The following RAD51B variants were observed in gnomAD, a reference collection of about 807,000 sequenced individuals.
RAD51B encodes RAD51 paralog B.
A neutral mutation model predicts 42.2 loss-of-function variants in RAD51B; 38 were observed. That is an observed-to-expected ratio of 0.90 (90% CI 0.70 to 1.18). The LOEUF is 1.18. RAD51B is among the 50% of genes most tolerant of loss of function. RAD51B has a pLI of 0.00. For missense variants in RAD51B, 373 were observed against 400.7 expected (o/e 0.93, Z 0.59); for synonymous variants, 154 against 145.2 (o/e 1.06, Z -0.43).
chr14:68,098,405 T>G (rs1261415900), intron 7 of RAD51B, among the ~76,000 whole-genome samples: 2 of 152,226 alleles, frequency 1.3e-5, no homozygotes, highest in African/African-American at 4.8e-5. Context: ...GGTAGCATTA[T>G]GTGTATATTA....
At chr14:68,404,857 G>A (rs903121751) in intron 8 of RAD51B, among the ~76,000 whole-genome samples, 1 of 152,184 alleles carries the variant, frequency 6.6e-6, no homozygotes, top group Non-Finnish European at 1.5e-5. Flanking sequence ...GTGACATGCA[G>A]AGCTCAGATG....
chr14:68,116,865 T>C (rs8011367), intron 7 of RAD51B, among the ~76,000 whole-genome samples: 1 of 146,590 alleles, frequency 6.8e-6, no homozygotes, highest in Non-Finnish European at 1.5e-5. Context: ...ATGTAGAGTT[T>C]TAAGTAAATA....
intron 8 of RAD51B, among the ~76,000 whole-genome samples, chr14:68,303,503 C>T (rs757844590): frequency 3.3e-5 from 5 of 150,142 alleles, no homozygotes; most frequent in South Asian, 2.1e-4. Context: ...ACGGAAGTGA[C>T]GGAGTCATTT....
chr14:68,066,509 T>C (rs1015084947), intron 7 of RAD51B, among the ~76,000 whole-genome samples: 5 of 152,194 alleles, frequency 3.3e-5, no homozygotes, highest in Non-Finnish European at 4.4e-5. Context: ...AAATTTGTAA[T>C]GGCATGAGGA....
At chr14:67,828,922 C>T (rs532980343) in intron 3 of RAD51B, among the ~76,000 whole-genome samples, 1 of 152,230 alleles carries the variant, frequency 6.6e-6, no homozygotes, top group East Asian at 1.9e-4. Context: ...TAGCATGATG[C>T]CTGCAGCTTC....
At chr14:68,474,350 A>T (rs1043287106) in intron 10 of RAD51B, among the ~76,000 whole-genome samples, 1 of 152,216 alleles carries the variant, frequency 6.6e-6, no homozygotes, top group African/African-American at 2.4e-5. Flanking sequence ...GTTTGTTGTC[A>T]TCTTTCCATA....
At chr14:67,998,489 A>G (rs2075424382) in intron 7 of RAD51B, among the ~76,000 whole-genome samples, 1 of 152,216 alleles carries the variant, frequency 6.6e-6, no homozygotes, top group South Asian at 2.1e-4. Flanking sequence ...TTGTAAATGG[A>G]TATATCACTA....
In RAD51B at chr14:68,092,934, T is replaced by C. The variant is rs1430951421; in HGVS notation, c.757-198950T>C. 8.6e-5 allele frequency among the ~76,000 whole-genome samples: 13 copies of C among 150,602 alleles called. 1 individual carries two copies. The South Asian group carries it at 2.6e-3, about 30-fold the overall frequency. ...AGGGTCGTTGAATTTTGTCAAAGGC[T>C]TTTTCTGCATCTATTGAGATAATCA... On this transcript the variant is annotated intron_variant, in intron 7 of 10. Transcript: ENST00000471583.
At chr14:67,885,685 G>A in intron 5 of RAD51B, 184 bp from the exon 6 acceptor site, 1 of 582,856 alleles carries the variant, frequency 1.7e-6, no homozygotes, top group Non-Finnish European at 2.5e-6. Flanking sequence ...TGCTCTGACT[G>A]CTAACCTCTG....
intron 8 of RAD51B, among the ~76,000 whole-genome samples, chr14:68,301,928 G>A (rs1308931202): frequency 2.0e-5 from 3 of 152,114 alleles, no homozygotes; most frequent in Non-Finnish European, 4.4e-5. Flanking sequence ...AGGAATTTTT[G>A]TCACTTTTGT....
intron 7 of RAD51B, among the ~76,000 whole-genome samples, chr14:68,261,997 C>T (rs2080900238): frequency 6.6e-6 from 1 of 152,094 alleles, no homozygotes; most frequent in Non-Finnish European, 1.5e-5. Flanking sequence ...ATGCAGGGCT[C>T]AAAGCCATAC....
chr14:68,519,520 C>T lies in RAD51B; in HGVS notation c.1036+51270C>T, dbSNP rs117291853. On this transcript the variant is annotated intron_variant, in intron 10 of 10. Transcript: ENST00000487270. Reference sequence around the variant, plus strand: ...CTAAGAATGGACAGCTGTTTTCTCTCGAGATAGAAACTTCATGACAGGAAA... The same window carrying T: ...CTAAGAATGGACAGCTGTTTTCTCTTGAGATAGAAACTTCATGACAGGAAA... Among the ~76,000 whole-genome samples the T allele has an allele frequency of 7.2e-5, 11 of 152,296 alleles. No homozygotes were observed. In the East Asian group the frequency reaches 9.6e-4, roughly 13 times the overall value.
chr14:68,486,881 A>G (rs543234888), intron 10 of RAD51B, among the ~76,000 whole-genome samples: 155 of 152,298 alleles, frequency 1.0e-3, no homozygotes, highest in Non-Finnish European at 7.6e-4. Flanking sequence ...CTTTAGTGGC[A>G]TCTCCTCATC....
At chr14:67,993,151 C>T (rs920136106) in intron 7 of RAD51B, among the ~76,000 whole-genome samples, 1 of 152,110 alleles carries the variant, frequency 6.6e-6, no homozygotes, top group Admixed American at 6.6e-5. Flanking sequence ...GATACAGATA[C>T]ACAATGTGTA....
chr14:68,159,842 AT>A (rs1241715843), intron 7 of RAD51B, among the ~76,000 whole-genome samples: 2 of 151,908 alleles, frequency 1.3e-5, no homozygotes, highest in Admixed American at 1.3e-4. Flanking sequence ...TCATTTTCCT[AT>A]TTTTGGGAAT....
At chr14:68,412,737 T>C (rs2084453245) in intron 9 of RAD51B, among the ~76,000 whole-genome samples, 1 of 152,236 alleles carries the variant, frequency 6.6e-6, no homozygotes, top group South Asian at 2.1e-4. Context: ...ACCTTTTCCC[T>C]GAAGAGTCTG....
chr14:68,610,456 C>T (rs184005247), intron 10 of RAD51B, among the ~76,000 whole-genome samples: 31 of 152,330 alleles, frequency 2.0e-4, no homozygotes, highest in Admixed American at 5.2e-4. Context: ...CTTTCAGAAA[C>T]CCATATGAGC....
chr14:68,633,459 C>T (rs994176846), intron 10 of RAD51B, among the ~76,000 whole-genome samples: 7 of 152,118 alleles, frequency 4.6e-5, no homozygotes, highest in African/African-American at 1.7e-4. Flanking sequence ...CGATGTATAA[C>T]AGGAGTCCGC....
chr14:68,670,783 A>G (rs374577779), intron 11 of RAD51B, among the ~76,000 whole-genome samples: 1 of 152,250 alleles, frequency 6.6e-6, no homozygotes, highest in African/African-American at 2.4e-5. Flanking sequence ...GAACTTGTCC[A>G]TTTGAAGATA....
Sources: gnomAD v4.1 joint callset for allele counts (sites outside exome capture counted in the v4.1 genomes callset) on GRCh38, gnomAD v4.1.1 for gene constraint, MANE v1.5 for transcripts, NCBI Gene and HGNC (gene_info 2026-07-23, HGNC 2026-07-21) for gene names.